LIMCH1: variants seen among roughly 807,000 people sequenced by gnomAD.
LIMCH1 encodes LIM and calponin homology domains-containing protein 1.
Under a neutral mutation model 176.5 loss-of-function variants are expected in LIMCH1, and 113 were observed. That is an observed-to-expected ratio of 0.64 (90% confidence interval 0.55 to 0.75). The LOEUF (loss-of-function observed/expected upper bound fraction) is 0.75. Ranked by LOEUF, LIMCH1 falls within the 30% of genes least tolerant of loss-of-function variation. LIMCH1 has a pLI of 0.00. For synonymous variants in LIMCH1, 619 were observed against 645.9 expected (o/e 0.96, Z 0.63); for missense variants, 1,674 against 1,814.9 (o/e 0.92, Z 1.41).
intron 1 of LIMCH1, among the ~76,000 whole-genome samples, chr4:41,544,151 G>T (rs980185531): frequency 6.6e-6 from 1 of 151,840 alleles, no homozygotes; most frequent in Admixed American, 6.6e-5. Flanking sequence ...TTATGCTCCG[G>T]CTTGTAATGG....
chr4:41,488,206 A>G (rs999640780), intron 1 of LIMCH1, among the ~76,000 whole-genome samples: 8 of 152,202 alleles, frequency 5.3e-5, no homozygotes, highest in African/African-American at 1.9e-4. Context: ...GTAAAGACGT[A>G]TGAAAAAATG....
chr4:41,550,836 A>T (rs1384441473), intron 1 of LIMCH1, among the ~76,000 whole-genome samples: 11 of 152,218 alleles, frequency 7.2e-5, no homozygotes, highest in Non-Finnish European at 2.9e-5. Flanking sequence ...GGGAAAAAGT[A>T]AAAGCTTTGA....
At chr4:41,619,861 G>A (rs753230254) in intron 6 of LIMCH1, 4 of 209,034 alleles carry the variant, frequency 1.9e-5, no homozygotes, top group Non-Finnish European at 3.9e-5. Context: ...GCTCAAATAT[G>A]TGATGCATGG....
At chr4:41,696,334 T>A (rs543656166) in intron 31 of LIMCH1, among the ~76,000 whole-genome samples, 1 of 152,304 alleles carries the variant, frequency 6.6e-6, no homozygotes, top group South Asian at 2.1e-4. Flanking sequence ...CATTCACTCT[T>A]GTGAAACGCA....
intron 1 of LIMCH1, among the ~76,000 whole-genome samples, chr4:41,577,709 G>T (rs1005892776): frequency 6.6e-6 from 1 of 152,158 alleles, no homozygotes; most frequent in Non-Finnish European, 1.5e-5. Flanking sequence ...GATTACAAGT[G>T]TGAGCTACCA....
intron 1 of LIMCH1, among the ~76,000 whole-genome samples, chr4:41,467,156 TATACACACACACACACAC>T (rs1161424904): frequency 3.9e-4 from 39 of 100,242 alleles, no homozygotes; most frequent in Non-Finnish European, 5.7e-4. Context: ...TGTATGTATA[TATACACACACACACACAC>T]ACACACACAC....
At chr4:41,635,239 T>C (rs2093523280) in intron 13 of LIMCH1, among the ~76,000 whole-genome samples, 1 of 151,232 alleles carries the variant, frequency 6.6e-6, no homozygotes, top group Non-Finnish European at 1.5e-5. Context: ...TCTGTCACTT[T>C]TTTTTTTTTT....
upstream of LIMCH1, among the ~76,000 whole-genome samples, chr4:41,533,383 C>T (rs2077529763): frequency 6.6e-6 from 1 of 152,176 alleles, no homozygotes; most frequent in Non-Finnish European, 1.5e-5. Flanking sequence ...AGCTGCTTGT[C>T]CCGATGAATG....
At chr4:41,669,361 G>A (rs1401832193) in intron 21 of LIMCH1, among the ~76,000 whole-genome samples, 3 of 152,184 alleles carry the variant, frequency 2.0e-5, no homozygotes, top group Non-Finnish European at 4.4e-5. Context: ...AATAAAGCAA[G>A]ATGTCAGGCA....
chr4:41,407,834 C>T (rs2059125788), intron 1 of LIMCH1, among the ~76,000 whole-genome samples: 1 of 152,110 alleles, frequency 6.6e-6, no homozygotes, highest in African/African-American at 2.4e-5. Flanking sequence ...TGCTACTTTC[C>T]CAGGTTCTTG....
At chr4:41,685,941 G>A in intron 28 of LIMCH1, 111 bp downstream of exon 28, 1 of 1,163,718 alleles carries the variant, frequency 8.6e-7, no homozygotes. Context: ...GCATTTTTGT[G>A]CTTTCTCTCC....
chr4:41,591,014 G>A (rs1443393722), intron 1 of LIMCH1, among the ~76,000 whole-genome samples: 2 of 152,110 alleles, frequency 1.3e-5, no homozygotes, highest in Non-Finnish European at 2.9e-5. Context: ...CTGTTAAAGG[G>A]AGTTTACTTC....
At chr4:41,407,181 G>GA (rs371544047) in intron 1 of LIMCH1, among the ~76,000 whole-genome samples, 2,630 of 150,202 alleles carry the variant, frequency 0.018, 135 homozygotes, top group Admixed American at 0.11. Flanking sequence ...ATAGGTAAAA[G>GA]AAAAAAAAAA....
chr4:41,388,492 G>A (rs2056786555), intron 1 of LIMCH1, among the ~76,000 whole-genome samples: 1 of 152,246 alleles, frequency 6.6e-6, no homozygotes, highest in African/African-American at 2.4e-5. Flanking sequence ...ACCATTAACT[G>A]CTCATGGGCA....
chr4:41,615,179 A>G (rs1290838088), intron 5 of LIMCH1, among the ~76,000 whole-genome samples: 3 of 152,182 alleles, frequency 2.0e-5, no homozygotes, highest in Non-Finnish European at 2.9e-5. Context: ...TTTCCAAAAC[A>G]TGTCTTAACC....
At position 41,646,306 on chromosome 4, in the gene LIMCH1, A is replaced by C. The variant is rs779318230; in HGVS notation, c.2411+26A>C. The C allele has an allele frequency of 2.6e-5, 41 of 1,590,472 alleles. 1 individual carries two copies. In the South Asian group the frequency reaches 4.4e-4, roughly 17 times the overall value. On this transcript the variant is annotated intron_variant, in intron 16 of 31. Transcript: ENST00000503057. ...GTGAGTTCTTTCTGTTGTCGTTTTT[A>C]ATGTACAATATTATCTAGGTGTTTT... is the stretch of plus-strand genomic sequence containing the variant.
intron 1 of LIMCH1, among the ~76,000 whole-genome samples, chr4:41,558,054 C>T (rs1034412017): frequency 3.9e-5 from 6 of 152,124 alleles, no homozygotes; most frequent in Admixed American, 1.3e-4. Context: ...TCACGTTCCT[C>T]AAGGACCCCT....
intron 2 of LIMCH1, among the ~76,000 whole-genome samples, chr4:41,501,031 C>A (rs919966552): frequency 1.3e-5 from 2 of 152,170 alleles, no homozygotes; most frequent in Admixed American, 1.3e-4. Context: ...TCATCAAAAT[C>A]ACCCCGGGAG....
chr4:41,405,193 A>C (rs1334917971), intron 1 of LIMCH1, among the ~76,000 whole-genome samples: 1 of 152,222 alleles, frequency 6.6e-6, no homozygotes, highest in East Asian at 1.9e-4. Flanking sequence ...TATTGGTTAT[A>C]TCTTTTTCAA....
Sources: allele counts gnomAD v4.1 joint callset (sites outside exome capture counted in the v4.1 genomes callset), GRCh38; gene constraint gnomAD v4.1.1; transcripts MANE v1.5; gene names NCBI Gene and HGNC (gene_info 2026-07-23, HGNC 2026-07-21).